Variants in RBMS3 observed in about 807,000 individuals in gnomAD.
The protein encoded by RBMS3 is RNA-binding motif, single-stranded-interacting protein 3.
RBMS3 carries 27 observed loss-of-function variants against 66.8 expected under a neutral mutation model. The ratio of observed to expected loss-of-function variants is 0.40; its 90% confidence interval spans 0.30 to 0.56. RBMS3 has a LOEUF of 0.56. Among genes scored for constraint, RBMS3 ranks in the 20% least tolerant of loss-of-function variants. RBMS3 has a pLI of 0.40. For missense variants in RBMS3, 513 were observed against 549.5 expected (o/e 0.93, Z 0.66); for synonymous variants, 188 against 183.0 (o/e 1.03, Z -0.22).
intron 6 of RBMS3, among the ~76,000 whole-genome samples, chr3:29,773,808 G>T (rs1326642525): frequency 6.6e-6 from 1 of 152,048 alleles, no homozygotes; most frequent in Non-Finnish European, 1.5e-5. Flanking sequence ...CAATATCCCA[G>T]TTCTTCTGCT....
At chr3:29,577,140 G>A (rs1041533935) in intron 3 of RBMS3, among the ~76,000 whole-genome samples, 19 of 152,162 alleles carry the variant, frequency 1.2e-4, no homozygotes, top group Admixed American at 7.9e-4. Flanking sequence ...TCCAGGACTA[G>A]GTCCTTCCCT....
chr3:29,297,091 A>C (rs1038044443), intron 1 of RBMS3, among the ~76,000 whole-genome samples: 1 of 151,742 alleles, frequency 6.6e-6, no homozygotes, highest in Non-Finnish European at 1.5e-5. Context: ...TGAGTGTGCT[A>C]GTAGAGTAAT....
At chr3:29,411,838 T>C (rs1374625395) in intron 1 of RBMS3, among the ~76,000 whole-genome samples, 1 of 152,230 alleles carries the variant, frequency 6.6e-6, no homozygotes, top group Non-Finnish European at 1.5e-5. Context: ...CTGGAGTTTT[T>C]ATTGTTTCAA....
chr3:29,898,374 TG>T (rs2060176238), intron 9 of RBMS3, among the ~76,000 whole-genome samples: 2 of 151,480 alleles, frequency 1.3e-5, no homozygotes, highest in African/African-American at 4.8e-5. Flanking sequence ...TTGCAGCTGG[TG>T]GGGGTGGATG....
intron 1 of RBMS3, among the ~76,000 whole-genome samples, chr3:29,351,230 A>G (rs2036895807): frequency 6.6e-6 from 1 of 152,078 alleles, no homozygotes; most frequent in Admixed American, 6.5e-5. Flanking sequence ...TTTTCCTGCA[A>G]ATTTCCTTAT....
chr3:29,957,439 C>G (rs542144482), intron 12 of RBMS3, among the ~76,000 whole-genome samples: 8 of 152,094 alleles, frequency 5.3e-5, no homozygotes, highest in Non-Finnish European at 1.0e-4. Context: ...AAGAGGAAAA[C>G]AGACTCAGAA....
intron 2 of RBMS3, among the ~76,000 whole-genome samples, chr3:29,449,146 T>G (rs538864339): frequency 6.6e-6 from 1 of 152,340 alleles, no homozygotes; most frequent in South Asian, 2.1e-4. Context: ...CAAAGGATTG[T>G]CTTTCCGAAC....
At chr3:29,460,396 G>C (rs549624998) in intron 2 of RBMS3, among the ~76,000 whole-genome samples, 76 of 152,296 alleles carry the variant, frequency 5.0e-4, no homozygotes, top group African/African-American at 1.8e-3. Flanking sequence ...TGTGTTCATG[G>C]TGGTGTTTCT....
chr3:29,338,322 T>C (rs942885978), intron 1 of RBMS3, among the ~76,000 whole-genome samples: 1 of 152,170 alleles, frequency 6.6e-6, no homozygotes, highest in Non-Finnish European at 1.5e-5. Context: ...AAATAAAATG[T>C]GTCATAATTT....
At chr3:29,412,807 G>T (rs2040319661) in intron 1 of RBMS3, among the ~76,000 whole-genome samples, 2 of 152,218 alleles carry the variant, frequency 1.3e-5, no homozygotes, top group Admixed American at 6.5e-5. Context: ...CTTAAGCAGG[G>T]AGGAGATAAA....
chr3:29,548,660 G>A (rs2149027743), intron 3 of RBMS3, among the ~76,000 whole-genome samples: 1 of 151,900 alleles, frequency 6.6e-6, no homozygotes, highest in South Asian at 2.1e-4. Flanking sequence ...ACTTATTGTT[G>A]AATATCACAT....
chr3:29,368,943 A>T (rs1318085102), intron 1 of RBMS3, among the ~76,000 whole-genome samples: 9 of 152,196 alleles, frequency 5.9e-5, no homozygotes, highest in Admixed American at 5.9e-4. Context: ...TGGATAAAGA[A>T]TATGTGGTAC....
intron 1 of RBMS3, among the ~76,000 whole-genome samples, chr3:29,293,675 C>T (rs2125429466): frequency 6.6e-6 from 1 of 151,812 alleles, no homozygotes; most frequent in East Asian, 2.0e-4. Context: ...TCTTCTCCAT[C>T]TCCCTGTCTT....
At chr3:29,443,181 A>G (rs2041690384) in intron 2 of RBMS3, among the ~76,000 whole-genome samples, 1 of 152,058 alleles carries the variant, frequency 6.6e-6, no homozygotes, top group Admixed American at 6.6e-5. Context: ...TGGTCCAAAT[A>G]AAAAATCTTG....
chr3:29,391,122 C>A, intron 1 of RBMS3: 1 of 198,336 alleles, frequency 5.0e-6, no homozygotes, highest in South Asian at 7.9e-5. Context: ...GCAGAAACCC[C>A]AAAAAAATGG....
chr3:29,466,704 A>G (rs557339623), intron 2 of RBMS3, among the ~76,000 whole-genome samples: 2 of 152,202 alleles, frequency 1.3e-5, no homozygotes, highest in Non-Finnish European at 2.9e-5. Context: ...GCTGAACGGC[A>G]TGTCAAACAC....
chr3:30,002,377 C>T (rs2125404433), intron 14 of RBMS3, among the ~76,000 whole-genome samples: 1 of 151,734 alleles, frequency 6.6e-6, no homozygotes, highest in South Asian at 2.1e-4. Context: ...GAACAAAGAA[C>T]AGACTCTCCC....
intron 6 of RBMS3, among the ~76,000 whole-genome samples, chr3:29,853,423 C>CTTTTTTTTTTTTTTTTTTTTTATTTT (rs2058987733): frequency 1.2e-5 from 1 of 84,542 alleles, no homozygotes; most frequent in African/African-American, 5.4e-5. Context: ...AATTTACTTT[C>CTTTTTTTTTTTTTTTTTTTTTATTTT]TTTTTTTTTT....
chr3:29,852,076 A>G (rs763662579), intron 6 of RBMS3, among the ~76,000 whole-genome samples: 10 of 152,130 alleles, frequency 6.6e-5, no homozygotes, highest in Non-Finnish European at 2.9e-5. Flanking sequence ...AAGCAATGGG[A>G]AAAGGACTCC....
Sources: gnomAD v4.1 joint callset for allele counts (sites outside exome capture counted in the v4.1 genomes callset) on GRCh38, gnomAD v4.1.1 for gene constraint, MANE v1.5 for transcripts, NCBI Gene and HGNC (gene_info 2026-07-23, HGNC 2026-07-21) for gene names.